Variants in TBPL1 observed in about 807,000 individuals in gnomAD.
TBPL1 encodes TATA-box binding protein like 1, also known as TATA box-binding protein-like 1.
In TBPL1, 4 loss-of-function variants were observed where a neutral mutation model predicts 22.1. The observed-to-expected ratio is 0.18, with a 90% CI of 0.09 to 0.41. The LOEUF (loss-of-function observed/expected upper bound fraction) is 0.41, where lower values mean the gene tolerates loss of function less well. Among genes scored for constraint, TBPL1 ranks in the 10% least tolerant of loss-of-function variants. The pLI is 1.00. For synonymous variants in TBPL1, 64 were observed against 71.0 expected (o/e 0.90, Z 0.50); for missense variants, 115 against 222.3 (o/e 0.52, Z 3.07).
Position 133,983,636 on chromosome 6 carries a change from G to A in TBPL1, c.283-740G>A, listed in dbSNP as rs148359338. ...TGATTTGAGAGTGCTGCCACTTTGC[G>A]GTTTCCTGGCTTTGCGCAACTGCTG... On this transcript the variant is annotated intron_variant, in intron 4 of 6. Transcript: ENST00000237264. Among the ~76,000 whole-genome samples the A allele has an allele frequency of 2.0e-5, 3 of 152,248 alleles. 1 individual carries two copies. Among genetic ancestry groups the A allele is most frequent in the East Asian group, 3.9e-4 (2 of 5,182 alleles).
chr6:133,986,627 A>G (rs1776530611), intron 6 of TBPL1, among the ~76,000 whole-genome samples: 1 of 152,162 alleles, frequency 6.6e-6, no homozygotes, highest in South Asian at 2.1e-4. Context: ...GACTTAAAGG[A>G]TAGCTGTTAT....
At chr6:133,983,012 T>C in intron 4 of TBPL1, 132 bp downstream of exon 4, 1 of 801,684 alleles carries the variant, frequency 1.2e-6, no homozygotes, top group South Asian at 2.7e-5. Context: ...GGTTTTTTAA[T>C]ACTGCCCTTC....
chr6:133,961,074 A>G (rs1337790660), intron 1 of TBPL1, among the ~76,000 whole-genome samples: 1 of 152,192 alleles, frequency 6.6e-6, no homozygotes, highest in East Asian at 1.9e-4. Flanking sequence ...CAGAAAGTGA[A>G]GTAAGGGAAG....
Position 133,987,285 on chromosome 6 carries a change from T to G in TBPL1, c.*245T>G, listed in dbSNP as rs1582588840. 1 of 292,702 alleles carries G rather than the reference T, an allele frequency of 3.4e-6. No individual in the cohort carries two copies. Among genetic ancestry groups the G allele is most frequent in the East Asian group, 6.3e-5 (1 of 15,984 alleles). 18.1% of individuals were successfully genotyped at this position (292,702 alleles called of 1,614,324 possible). On this transcript the variant is annotated 3_prime_UTR_variant, in exon 7 of 7. Transcript: ENST00000237264. Reference sequence around the variant, plus strand: ...ACATTCTATTTATTTTCGCAGTAATTCTCATGTCCCCATAAGCAGAGCTGT... The same window carrying G: ...ACATTCTATTTATTTTCGCAGTAATGCTCATGTCCCCATAAGCAGAGCTGT...
Position 133,985,320 on chromosome 6 carries a change from A to ACG in TBPL1, c.481+649_481+650insCG, listed in dbSNP as rs1448888077. Among the ~76,000 whole-genome samples the ACG allele has an allele frequency of 5.8e-5, 7 of 121,052 alleles. 3 individuals carry two copies. The highest frequency in any genetic ancestry group is 1.2e-4 in the Non-Finnish European group (7 of 59,520). 79.4% of individuals were successfully genotyped at this position (121,052 alleles called of 152,430 possible). A position where few individuals can be genotyped will look rare whatever the true frequency, so the allele number is the denominator to read the frequency against. ...AAAATATATATATATATATATATAT[A>ACG]TATATATATATATATATACACACAT... On this transcript the variant is annotated intron_variant, in intron 6 of 6. Transcript: ENST00000237264.
intron 6 of TBPL1, among the ~76,000 whole-genome samples, chr6:133,985,559 T>C (rs942150391): frequency 1.3e-5 from 2 of 151,866 alleles, no homozygotes; most frequent in African/African-American, 4.8e-5. Flanking sequence ...TAGGCATTCA[T>C]GTCAGAGAGT....
Position 133,953,276 on chromosome 6 carries a change from C to T in TBPL1, c.-194C>T, listed in dbSNP as rs1775868530. 1 of 152,814 alleles carries T rather than the reference C, an allele frequency of 6.5e-6. No homozygotes were observed. The highest frequency in any genetic ancestry group is 2.1e-4 in the South Asian group (1 of 4,838). 9.5% of individuals were successfully genotyped at this position (152,814 alleles called of 1,614,324 possible). A position where few individuals can be genotyped will look rare whatever the true frequency, so the allele number is the denominator to read the frequency against. ...AGACGGAGTCCGAGCCTCGGGGGCTCCTAGCAACGGGCCGGGGCGGGAGTT... is the reference window on the plus strand; with the variant it reads ...AGACGGAGTCCGAGCCTCGGGGGCTTCTAGCAACGGGCCGGGGCGGGAGTT... On this transcript the variant is annotated 5_prime_UTR_variant, in exon 1 of 7. Coordinates refer to ENST00000237264, the MANE Select transcript of TBPL1 (RefSeq NM_004865.4).
chr6:133,989,842 C>T lies in TBPL1; in HGVS notation c.*2802C>T, dbSNP rs991087710. On this transcript the variant is annotated 3_prime_UTR_variant, in exon 7 of 7. Coordinates refer to ENST00000237264, the MANE Select transcript of TBPL1 (RefSeq NM_004865.4). ...AGCTAAATAAAAAGGAGCTTTGGCTCTTAGGATTCTCTTTTCTTCAGGTTA... is the reference window on the plus strand; with the variant it reads ...AGCTAAATAAAAAGGAGCTTTGGCTTTTAGGATTCTCTTTTCTTCAGGTTA... 1 of 152,174 alleles carries T rather than the reference C, an allele frequency of 6.6e-6. No individual in the cohort carries two copies. Among genetic ancestry groups the T allele is most frequent in the African/African-American group, 2.4e-5 (1 of 41,452 alleles). 9.4% of individuals were successfully genotyped at this position (152,174 alleles called of 1,614,324 possible). A position where few individuals can be genotyped will look rare whatever the true frequency, so the allele number is the denominator to read the frequency against.
intron 1 of TBPL1, among the ~76,000 whole-genome samples, chr6:133,958,701 T>C (rs1334232679): frequency 6.6e-6 from 1 of 152,224 alleles, no homozygotes; most frequent in Non-Finnish European, 1.5e-5. Flanking sequence ...TTCTTTCCTA[T>C]TCTGGCTAAT....
At chr6:133,981,352 A>G (rs1051716252) in intron 2 of TBPL1, among the ~76,000 whole-genome samples, 1 of 152,222 alleles carries the variant, frequency 6.6e-6, no homozygotes, top group African/African-American at 2.4e-5. Flanking sequence ...AAGATTTTCA[A>G]GTTTGTCAGC....
In TBPL1 at chr6:133,989,096, C is replaced by G. The variant is rs1776581992; in HGVS notation, c.*2056C>G. The G allele has an allele frequency of 6.6e-6, 1 of 152,134 alleles. No individual in the cohort carries two copies. Among genetic ancestry groups the G allele is most frequent in the Non-Finnish European group, 1.5e-5 (1 of 68,036 alleles). 9.4% of individuals were successfully genotyped at this position (152,134 alleles called of 1,614,324 possible). ...TTCAGGGCTGCCGAATGAGCCTCAC[C>G]TAACAGTGTCCATGGGTAATTCGCT... On this transcript the variant is annotated 3_prime_UTR_variant, in exon 7 of 7. Transcript: ENST00000237264.
intron 1 of TBPL1, among the ~76,000 whole-genome samples, chr6:133,963,080 A>G (rs1412031296): frequency 2.6e-5 from 4 of 152,198 alleles, no homozygotes; most frequent in Non-Finnish European, 5.9e-5. Context: ...CATTTGTAAC[A>G]TTTTGTACTG....
intron 2 of TBPL1, 69 bp from the exon 3 acceptor site, chr6:133,982,499 G>A (rs1776433957): frequency 3.0e-6 from 4 of 1,354,746 alleles, no homozygotes; most frequent in Non-Finnish European, 4.1e-6. Context: ...ACATTAATAT[G>A]ACTATATAGA....
intron 2 of TBPL1, among the ~76,000 whole-genome samples, chr6:133,981,912 G>C (rs1258871536): frequency 2.0e-5 from 3 of 152,202 alleles, no homozygotes. Context: ...GTAACCCATA[G>C]CTTTAAATGA....
chr6:133,983,777 A>G (rs1166843630), intron 4 of TBPL1, among the ~76,000 whole-genome samples: 1 of 152,018 alleles, frequency 6.6e-6, no homozygotes, highest in East Asian at 1.9e-4. Flanking sequence ...CAAAGTTATT[A>G]ATGTTAACAG....
intron 1 of TBPL1, among the ~76,000 whole-genome samples, chr6:133,970,592 GTTTGTTTTTGT>G (rs1244951148): frequency 6.6e-6 from 1 of 150,910 alleles, no homozygotes; most frequent in African/African-American, 2.4e-5. Flanking sequence ...TGTCACCAAG[GTTTGTTTTTGT>G]TTTGTTTTTG....
chr6:133,986,798 CTTA>C (rs1776533498), intron 6 of TBPL1, among the ~76,000 whole-genome samples, 160 bp from the exon 7 acceptor site: 2 of 152,078 alleles, frequency 1.3e-5, no homozygotes, highest in African/African-American at 4.8e-5. Context: ...ATTACTTTTA[CTTA>C]TTATGGCTAT....
rs540226933 is a variant in TBPL1, at chr6:133,960,436, T to A, written c.-45+7011T>A. 1.4e-3 allele frequency among the ~76,000 whole-genome samples: 208 copies of A among 150,784 alleles called. 1 individual carries two copies. In the East Asian group the frequency reaches 0.022, roughly 16 times the overall value. Reference sequence around the variant, plus strand: ...GACCAGCCTTTTTTTTTTTTTTTTTTAATTTTAAGAAATTCAACACTACTC... The same window carrying A: ...GACCAGCCTTTTTTTTTTTTTTTTTAAATTTTAAGAAATTCAACACTACTC... On this transcript the variant is annotated intron_variant, in intron 1 of 6. Coordinates refer to ENST00000237264, the MANE Select transcript of TBPL1 (RefSeq NM_004865.4).
At chr6:133,977,064 G>A (rs570827057) in intron 1 of TBPL1, among the ~76,000 whole-genome samples, 1 of 152,112 alleles carries the variant, frequency 6.6e-6, no homozygotes, top group South Asian at 2.1e-4. Context: ...AATATGTTTA[G>A]CTTTAGAAAG....
Sources: allele counts gnomAD v4.1 joint callset (sites outside exome capture counted in the v4.1 genomes callset), GRCh38; gene constraint gnomAD v4.1.1; transcripts MANE v1.5; gene names NCBI Gene and HGNC (gene_info 2026-07-23, HGNC 2026-07-21).